The following ZNF587B variants were observed in gnomAD, a reference collection of about 807,000 sequenced individuals.
ZNF587B encodes zinc finger protein 587B.
A neutral mutation model predicts 7.2 loss-of-function variants in ZNF587B; 6 were observed. The ratio of observed to expected loss-of-function variants is 0.83; its 90% CI spans 0.46 to 1.65. The LOEUF is 1.65. Ranked by LOEUF, ZNF587B falls within the 40% of genes most tolerant of loss-of-function variation. ZNF587B has a pLI of 0.01. For synonymous variants in ZNF587B, 274 were observed against 254.3 expected (o/e 1.08, Z -0.74); for missense variants, 749 against 761.0 (o/e 0.98, Z 0.19).
In ZNF587B at chr19:57,830,499, T is replaced by C. The variant is rs2122193926; in HGVS notation, c.-30T>C. 3 of 1,548,496 alleles carry C rather than the reference T, an allele frequency of 1.9e-6. No individual in the cohort carries two copies. The South Asian group carries it at 3.6e-5, about 18-fold the overall frequency. On this transcript the variant is annotated 5_prime_UTR_variant, in exon 1 of 3. Coordinates refer to ENST00000594901, the MANE Select transcript of ZNF587B (RefSeq NM_001376223.1). ...TATCTCCTGGCTGGTCACCCTCTCC[T>C]CCCAACCCTGCTTTAAACCACGTGG...
At chr19:57,840,019 G>A (rs946703023) in intron 2 of ZNF587B, among the ~76,000 whole-genome samples, 11 of 141,958 alleles carry the variant, frequency 7.7e-5, no homozygotes, top group African/African-American at 2.1e-4. Context: ...CAGAGGTGGT[G>A]AGCCCAGATC....
In ZNF587B at chr19:57,840,916, C is replaced by T. The variant is rs1342964768; in HGVS notation, c.242C>T (p.Thr81Ile). The change falls in exon 3 of 3, where the codon ACT (threonine) becomes ATT (isoleucine). Residue 81 changes from threonine to isoleucine, a missense_variant. Physicochemically the swap from Thr to Ile is moderately conservative, Grantham distance 89. Around this residue, in one of 3 missense-constraint regions of ZNF587B, gnomAD observed 72 missense variants for 147.8 expected, o/e 0.49. Coordinates refer to ENST00000594901, the MANE Select transcript of ZNF587B (RefSeq NM_001376223.1). ...IYIQRETQVR[T>I]PVTGVSPKKA... Reference sequence around the variant, plus strand: ...ATACAAAGAGAGACTCAGGTCAGGACTCCTGTGACAGGTGTGTCTCCCAAG... The same window carrying T: ...ATACAAAGAGAGACTCAGGTCAGGATTCCTGTGACAGGTGTGTCTCCCAAG... 6.4e-7 allele frequency: 1 copy of T among 1,567,798 alleles called. No homozygotes were observed. Among genetic ancestry groups the T allele is most frequent in the African/African-American group, 1.4e-5 (1 of 72,230 alleles).
In ZNF587B at chr19:57,843,435, T is replaced by C. The variant is rs550875292; in HGVS notation, c.*859T>C. 3.0e-6 allele frequency: 3 copies of C among 985,334 alleles called. No individual in the cohort carries two copies. The highest frequency in any genetic ancestry group is 3.6e-6 in the Non-Finnish European group (3 of 829,832). 61.0% of individuals were successfully genotyped at this position (985,334 alleles called of 1,614,324 possible). Reference sequence around the variant, plus strand: ...GCTAGACTTATGTGACTGCCACTTATCTGGCAAAAGCCATTACATCTCAGC... The same window carrying C: ...GCTAGACTTATGTGACTGCCACTTACCTGGCAAAAGCCATTACATCTCAGC... On this transcript the variant is annotated 3_prime_UTR_variant, in exon 3 of 3. Transcript: ENST00000594901.
rs1053394827 is a variant in ZNF587B, at chr19:57,838,461, TGTG to T, written c.37-557_37-555del. 1.7e-3 allele frequency among the ~76,000 whole-genome samples: 253 copies of T among 151,004 alleles called. 2 individuals carry two copies. The highest frequency in any genetic ancestry group is 5.9e-3 in the African/African-American group (242 of 41,032). On this transcript the variant is annotated intron_variant, in intron 1 of 2. Coordinates refer to ENST00000594901, the MANE Select transcript of ZNF587B (RefSeq NM_001376223.1). ...ACTAAAAATATAAAAATTAGCCAGA[TGTG>T]GTGGCGGGTGCCTGTAGCCCCAGCT... is the stretch of plus-strand genomic sequence containing the variant.
In ZNF587B at chr19:57,845,504, A is replaced by G. The variant is rs774885845; in HGVS notation, c.*2928A>G. On this transcript the variant is annotated 3_prime_UTR_variant, in exon 3 of 3. Coordinates refer to ENST00000594901, the MANE Select transcript of ZNF587B (RefSeq NM_001376223.1). ...CAGGAGGAACAGAATAGGGAAAAAG[A>G]TCTCAGTTCAGTGATGTAGCTTTGT... 6 of 152,162 alleles carry G rather than the reference A, an allele frequency of 3.9e-5. No individual in the cohort carries two copies. Among genetic ancestry groups the G allele is most frequent in the Non-Finnish European group, 7.3e-5 (5 of 68,030 alleles). 9.4% of individuals were successfully genotyped at this position (152,162 alleles called of 1,614,324 possible).
chr19:57,841,837 G>A lies in ZNF587B; in HGVS notation c.1163G>A (p.Gly388Glu), dbSNP rs774035633. 6.2e-7 allele frequency: 1 copy of A among 1,612,336 alleles called. No individual in the cohort carries two copies. Among genetic ancestry groups the A allele is most frequent in the Non-Finnish European group, 8.5e-7 (1 of 1,179,360 alleles). Residue 388 changes from glycine to glutamate, a missense_variant, in exon 3 of 3, where the codon GGG (glycine) becomes GAG (glutamate). Transcript: ENST00000594901. ...EVRPYKCGEC[G>E]KSYISKGHLR... The stretch of plus-strand genomic sequence containing the variant: ...AGACCTTACAAGTGTGGAGAATGTG[G>A]GAAATCTTATATTTCAAAGGGGCAC...
At chr19:57,839,745 C>T (rs1258638479) in intron 2 of ZNF587B, among the ~76,000 whole-genome samples, 1 of 151,868 alleles carries the variant, frequency 6.6e-6, no homozygotes, top group Non-Finnish European at 1.5e-5. Flanking sequence ...CAAATGAATT[C>T]AGCCTCAGCA....
At position 57,841,639 on chromosome 19, in the gene ZNF587B, G is replaced by C; in HGVS notation, c.965G>C (p.Gly322Ala). 1 of 1,599,424 alleles carries C rather than the reference G, an allele frequency of 6.3e-7. No individual in the cohort carries two copies. The highest frequency in any genetic ancestry group is 8.5e-7 in the Non-Finnish European group (1 of 1,172,892). Reference protein sequence around the residue: ...YLRRHQKVHAGKGPYECGECG... With the variant: ...YLRRHQKVHAAKGPYECGECG... ...AGGCGCCATCAAAAAGTTCACGCTGGAAAAGGGCCTTATGAGTGTGGAGAA... is the reference window on the plus strand; with the variant it reads ...AGGCGCCATCAAAAAGTTCACGCTGCAAAAGGGCCTTATGAGTGTGGAGAA... The change falls in exon 3 of 3, where the codon GGA (glycine) becomes GCA (alanine). Residue 322 changes from glycine to alanine, a missense_variant. By Grantham distance (60) the Gly-to-Ala change is moderately conservative. Around this residue, in one of 3 missense-constraint regions of ZNF587B, gnomAD observed 656 missense variants for 596.5 expected, o/e 1.10. Coordinates refer to ENST00000594901, the MANE Select transcript of ZNF587B (RefSeq NM_001376223.1).
chr19:57,842,812 T>C lies in ZNF587B; in HGVS notation c.*236T>C, dbSNP rs929499181. ...ACACTGAATGAAGGCCTTACTAGTG[T>C]GGCAAATATAGGCTATTTATCCAGA... On this transcript the variant is annotated 3_prime_UTR_variant, in exon 3 of 3. Coordinates refer to ENST00000594901, the MANE Select transcript of ZNF587B (RefSeq NM_001376223.1). The C allele has an allele frequency of 3.0e-6, 3 of 985,298 alleles. No individual in the cohort carries two copies. In the African/African-American group the frequency reaches 5.2e-5, roughly 17 times the overall value. 61.0% of individuals were successfully genotyped at this position (985,298 alleles called of 1,614,324 possible).
At chr19:57,839,495 A>G (rs2122233691) in intron 2 of ZNF587B, among the ~76,000 whole-genome samples, 1 of 152,304 alleles carries the variant, frequency 6.6e-6, no homozygotes, top group African/African-American at 2.4e-5. Context: ...TTCCTGTGGC[A>G]GGAATTGCCT....
chr19:57,843,193 A>G lies in ZNF587B; in HGVS notation c.*617A>G. On this transcript the variant is annotated 3_prime_UTR_variant, in exon 3 of 3. Transcript: ENST00000594901. ...ATATTAGTAGATATAGGGTTTTACC[A>G]TGTTTCCAGGCTGGTATCGAACTCC... is the stretch of plus-strand genomic sequence containing the variant. The G allele has an allele frequency of 1.4e-6, 1 of 705,110 alleles. No homozygotes were observed. Among genetic ancestry groups the G allele is most frequent in the South Asian group, 6.4e-5 (1 of 15,628 alleles). The allele number at this position is 705,110 out of a possible 1,614,324, so 43.7% of individuals were successfully genotyped here. A position where few individuals can be genotyped will look rare whatever the true frequency, so the allele number is the denominator to read the frequency against.
rs947092298 is a variant in ZNF587B at position 57,840,739 on chromosome 19, C to G, written c.164-99C>G. 14 of 1,608,474 alleles carry G rather than the reference C, an allele frequency of 8.7e-6. No homozygotes were observed. In the African/African-American group the frequency reaches 1.6e-4, roughly 19 times the overall value. ...CAACATCCTGTTCCTCCAAGTAGTT[C>G]CTTGGAGTAATTCCTCAGTTTTTCA... On this transcript the variant is annotated intron_variant, in intron 2 of 2. Coordinates refer to ENST00000594901, the MANE Select transcript of ZNF587B (RefSeq NM_001376223.1).
intron 1 of ZNF587B, among the ~76,000 whole-genome samples, chr19:57,835,643 C>T (rs1168378597): frequency 4.2e-5 from 6 of 142,608 alleles, no homozygotes; most frequent in Admixed American, 1.4e-4. Context: ...ATTACAGACT[C>T]GAGCCACCGT....
rs962067936 is a variant in ZNF587B at position 57,843,790 on chromosome 19, T to G, written c.*1214T>G. On this transcript the variant is annotated 3_prime_UTR_variant, in exon 3 of 3. Transcript: ENST00000594901. ...GTAATTTTTGTACTTTTAGTAGAGA[T>G]GGGGTTTCACTATGTTGGTCAAACT... 2.0e-5 allele frequency among the ~76,000 whole-genome samples: 3 copies of G among 151,922 alleles called. No individual in the cohort carries two copies. Among genetic ancestry groups the G allele is most frequent in the Non-Finnish European group, 4.4e-5 (3 of 67,952 alleles).
intron 1 of ZNF587B, among the ~76,000 whole-genome samples, chr19:57,837,566 A>G (rs1988668593): frequency 1.3e-5 from 2 of 151,650 alleles, no homozygotes; most frequent in Non-Finnish European, 2.9e-5. Context: ...CTCCTGCCTC[A>G]GCCTCCCAAG....
chr19:57,842,188 A>G lies in ZNF587B; in HGVS notation c.1514A>G (p.His505Arg), dbSNP rs755089879. The stretch of plus-strand genomic sequence containing the variant: ...GAGGCTTGTCAGAAATTTTTTAGGC[A>G]CAAGTGCCACCTCACTGCACACCAG... ...ACEACQKFFRHKCHLTAHQRV... is the reference protein window; with the variant it reads ...ACEACQKFFRRKCHLTAHQRV... Residue 505 changes from histidine (H) to arginine (R), a missense_variant, in exon 3 of 3, where the codon CAC (histidine) becomes CGC (arginine). By Grantham distance (29) the His-to-Arg change is conservative (BLOSUM62 0). Transcript: ENST00000594901. The G allele has an allele frequency of 6.2e-7, 1 of 1,613,106 alleles. No homozygotes were observed. The highest frequency in any genetic ancestry group is 2.2e-5 in the East Asian group (1 of 44,898).
rs1988901534 is a variant in ZNF587B at position 57,842,513 on chromosome 19, A to G, written c.1839A>G (p.Lys613=). 3 of 1,558,430 alleles carry G rather than the reference A, an allele frequency of 1.9e-6. No individual in the cohort carries two copies. Among genetic ancestry groups the G allele is most frequent in the Non-Finnish European group, 2.6e-6 (3 of 1,159,694 alleles). The stretch of plus-strand genomic sequence containing the variant: ...CTTATGGGTGTAGTGAATGTGAAAA[A>G]AAATTTAGGAAAAGCTCTTCACTTC... ...EKPYGCSECE[K]KFRKSSSLRY... The change falls in exon 3 of 3, where the codon AAA becomes AAG. Residue 613 remains lysine, a synonymous_variant. Coordinates refer to ENST00000594901, the MANE Select transcript of ZNF587B (RefSeq NM_001376223.1).
chr19:57,839,181 G>A (rs1988746006), intron 2 of ZNF587B, 32 bp downstream of exon 2: 2 of 1,611,876 alleles, frequency 1.2e-6, no homozygotes, highest in South Asian at 2.2e-5. Flanking sequence ...TGTGACTTGA[G>A]CTAGTCTCTG....
chr19:57,830,853 A>C (rs1440245243), intron 1 of ZNF587B, among the ~76,000 whole-genome samples: 2 of 152,194 alleles, frequency 1.3e-5, no homozygotes, highest in African/African-American at 2.4e-5. Context: ...GGTAACGCTC[A>C]AAGTTCTCGC....
Sources: gnomAD v4.1 joint callset for allele counts (sites outside exome capture counted in the v4.1 genomes callset) on GRCh38, gnomAD v4.1.1 for gene constraint, gnomAD v4.1.1 regional missense constraint, MANE v1.5 for transcripts, NCBI Gene and HGNC (gene_info 2026-07-23, HGNC 2026-07-21) for gene names.